The following EIPR1 variants were observed in gnomAD, a reference collection of about 807,000 sequenced individuals.
The protein encoded by EIPR1 is EARP complex and GARP complex interacting protein 1, also known as EARP and GARP complex-interacting protein 1.
Under a neutral mutation model 48.1 loss-of-function variants are expected in EIPR1, and 25 were observed. The ratio of observed to expected loss-of-function variants is 0.52; its 90% CI spans 0.38 to 0.73. EIPR1 has a LOEUF of 0.73. Ranked by LOEUF, EIPR1 falls within the 30% of genes least tolerant of loss-of-function variation. The probability of loss-of-function intolerance (pLI) is 0.00; values close to 1 mark genes in which losing one functional copy is unlikely to be tolerated. For synonymous variants in EIPR1, 204 were observed against 201.9 expected, an observed-to-expected ratio of 1.01 and a Z score of -0.09; for missense variants, 415 against 506.2, an observed-to-expected ratio of 0.82 and a Z score of 1.73.
intron 2 of EIPR1, among the ~76,000 whole-genome samples, chr2:3,341,388 G>A (rs1211430889): frequency 1.5e-4 from 23 of 152,232 alleles, no homozygotes. Context: ...TGACACGGGT[G>A]CACGTGGGTG....
At chr2:3,216,668 A>G (rs1665649049) in intron 4 of EIPR1, among the ~76,000 whole-genome samples, 1 of 152,248 alleles carries the variant, frequency 6.6e-6, no homozygotes, top group South Asian at 2.1e-4. Flanking sequence ...ATTTGACTAC[A>G]GTGTCTCTAA....
chr2:3,243,492 G>A (rs980676651), intron 4 of EIPR1, among the ~76,000 whole-genome samples: 5 of 152,076 alleles, frequency 3.3e-5, no homozygotes, highest in Admixed American at 3.3e-4. Flanking sequence ...TTAGCTGAGT[G>A]TGATGGCCCA....
At chr2:3,308,542 A>G (rs189301400) in intron 3 of EIPR1, among the ~76,000 whole-genome samples, 32 of 152,354 alleles carry the variant, frequency 2.1e-4, no homozygotes, top group Admixed American at 1.3e-4. Context: ...AATGCGGGAC[A>G]ATAGCAGATG....
rs896378910 is a variant in EIPR1, at chr2:3,286,605, T to C, written c.260-29150A>G. On this transcript the variant is annotated intron_variant, in intron 3 of 8. Transcript: ENST00000382125. The surrounding 1 kb of genome is among the most constrained non-coding windows in gnomAD (Gnocchi z 4.2). The stretch of plus-strand genomic sequence containing the variant: ...AGCACTTGTCATATGTCATATGCAG[T>C]GTGCTCCAGGGGAGCAGGGGATCTC... Among the ~76,000 whole-genome samples the C allele has an allele frequency of 2.6e-5, 4 of 152,240 alleles. No individual in the cohort carries two copies.
intron 3 of EIPR1, among the ~76,000 whole-genome samples, chr2:3,301,965 C>G (rs1668773757): frequency 6.6e-6 from 1 of 152,170 alleles, no homozygotes; most frequent in African/African-American, 2.4e-5. Context: ...TAGGATTTGA[C>G]AGGACCACCA....
At chr2:3,275,059 T>C (rs72765314) in intron 3 of EIPR1, among the ~76,000 whole-genome samples, 54 of 152,120 alleles carry the variant, frequency 3.5e-4, no homozygotes, top group Non-Finnish European at 7.7e-4. Flanking sequence ...TAAAATAAGA[T>C]GACAGGAATT....
chr2:3,216,133 C>G (rs1310749003), intron 4 of EIPR1, among the ~76,000 whole-genome samples: 1 of 152,156 alleles, frequency 6.6e-6, no homozygotes, highest in Non-Finnish European at 1.5e-5. Flanking sequence ...AGAGTTCGGA[C>G]AGCTTGATAG....
intron 2 of EIPR1, among the ~76,000 whole-genome samples, chr2:3,350,915 T>TA (rs1341985923): frequency 1.1e-5 from 1 of 89,196 alleles, no homozygotes; most frequent in African/African-American, 4.5e-5. Context: ...AAAGCTTCTT[T>TA]AAAATAATTA....
intron 3 of EIPR1, among the ~76,000 whole-genome samples, chr2:3,323,280 C>A (rs573926100): frequency 6.6e-6 from 1 of 152,302 alleles, no homozygotes; most frequent in Admixed American, 6.5e-5. Flanking sequence ...GTCCCCCCAG[C>A]CAGGAACGAG....
intron 4 of EIPR1, among the ~76,000 whole-genome samples, chr2:3,215,109 G>A (rs757394909): frequency 9.2e-5 from 14 of 152,190 alleles, no homozygotes; most frequent in South Asian, 2.1e-4. Flanking sequence ...AGCGTGTGGC[G>A]CTTTTTATGG....
chr2:3,269,569 A>G (rs1252073069), intron 3 of EIPR1, among the ~76,000 whole-genome samples: 2 of 88,660 alleles, frequency 2.3e-5, no homozygotes, highest in African/African-American at 1.1e-4. Flanking sequence ...CAGTCATCGC[A>G]CTCAGTCATC....
intron 3 of EIPR1, among the ~76,000 whole-genome samples, chr2:3,316,854 G>C (rs1669318271): frequency 6.6e-6 from 1 of 152,238 alleles, no homozygotes; most frequent in Admixed American, 6.5e-5. Context: ...TCTAGACACA[G>C]TCCCAACAGT....
intron 4 of EIPR1, among the ~76,000 whole-genome samples, chr2:3,233,021 TAA>T (rs1666291140): frequency 6.6e-6 from 1 of 152,174 alleles, no homozygotes. Flanking sequence ...ATATGCCCAT[TAA>T]AAAGTTTAAA....
At chr2:3,273,341 G>A (rs1048761932) in intron 3 of EIPR1, among the ~76,000 whole-genome samples, 2 of 152,136 alleles carry the variant, frequency 1.3e-5, no homozygotes, top group Non-Finnish European at 2.9e-5. Flanking sequence ...CTTCATGCTT[G>A]GCCTCTGCTA....
At chr2:3,251,049 T>C (rs186590237) in intron 4 of EIPR1, among the ~76,000 whole-genome samples, 2 of 152,212 alleles carry the variant, frequency 1.3e-5, no homozygotes, top group African/African-American at 2.4e-5. Context: ...GTGTGAGATA[T>C]ACTGAAAAAT....
rs1572271462 is a variant in EIPR1, at chr2:3,192,287, G to A, written c.989+127C>T. 2.6e-6 allele frequency: 3 copies of A among 1,162,232 alleles called. No homozygotes were observed. In the East Asian group the frequency reaches 8.5e-5, roughly 33 times the overall value. The allele number at this position is 1,162,232 out of a possible 1,614,324, so 72.0% of individuals were successfully genotyped here. ...AACTGTGAGTCCCCACAGCTGCAGT[G>A]GGTAAGGAGAGTGTCCCCCAAATGC... On this transcript the variant is annotated intron_variant, in intron 8 of 8. Coordinates refer to ENST00000382125, the MANE Select transcript of EIPR1 (RefSeq NM_003310.5).
chr2:3,283,331 G>A (rs541350540), intron 3 of EIPR1, among the ~76,000 whole-genome samples: 1 of 152,174 alleles, frequency 6.6e-6, no homozygotes, highest in Non-Finnish European at 1.5e-5. Context: ...GTAACACTGC[G>A]CCAACAAACA....
At chr2:3,313,477 C>T (rs1219545295) in intron 3 of EIPR1, among the ~76,000 whole-genome samples, 1 of 152,148 alleles carries the variant, frequency 6.6e-6, no homozygotes, top group Non-Finnish European at 1.5e-5. Flanking sequence ...GACACAGAGC[C>T]CAGTCCTCCA....
At chr2:3,231,689 C>A (rs897773419) in intron 4 of EIPR1, among the ~76,000 whole-genome samples, 1 of 152,184 alleles carries the variant, frequency 6.6e-6, no homozygotes, top group Non-Finnish European at 1.5e-5. Context: ...ACAAATCCCC[C>A]TTAATAATGG....
Sources: gnomAD v4.1 joint callset for allele counts (sites outside exome capture counted in the v4.1 genomes callset) on GRCh38, gnomAD v4.1.1 for gene constraint, Gnocchi (gnomAD v3.1) non-coding constraint, MANE v1.5 for transcripts, NCBI Gene and HGNC (gene_info 2026-07-23, HGNC 2026-07-21) for gene names.